The following TCERG1L variants were observed in gnomAD, a reference collection of about 807,000 sequenced individuals.
TCERG1L encodes transcription elongation regulator 1-like protein.
TCERG1L carries 37 observed loss-of-function variants against 56.3 expected under a neutral mutation model. The ratio of observed to expected loss-of-function variants is 0.66; its 90% CI spans 0.51 to 0.87. The LOEUF (loss-of-function observed/expected upper bound fraction) is 0.87. Among genes scored for constraint, TCERG1L ranks in the 40% least tolerant of loss-of-function variants. TCERG1L has a pLI of 0.00. For synonymous variants in TCERG1L, 324 were observed against 326.3 expected, an observed-to-expected ratio of 0.99 and a Z score of 0.08; for missense variants, 799 against 774.2, an observed-to-expected ratio of 1.03 and a Z score of -0.38.
intron 4 of TCERG1L, among the ~76,000 whole-genome samples, chr10:131,241,603 TAA>T (rs938470504): frequency 2.7e-5 from 4 of 149,768 alleles, no homozygotes; most frequent in Admixed American, 6.7e-5. Context: ...TATAAAAACA[TAA>T]GAGAGGACAT....
At chr10:131,101,389 T>C (rs1490036076) in intron 10 of TCERG1L, among the ~76,000 whole-genome samples, 1 of 152,244 alleles carries the variant, frequency 6.6e-6, no homozygotes, top group Non-Finnish European at 1.5e-5. Flanking sequence ...AAGTTGGAAT[T>C]TTCTTTTTGC....
intron 7 of TCERG1L, among the ~76,000 whole-genome samples, chr10:131,135,347 A>G (rs10829915): frequency 0.26 from 38,902 of 151,732 alleles, 5,467 homozygotes; most frequent in East Asian, 0.33. Flanking sequence ...CTGAGCCTGC[A>G]CCTCCTTCCT....
intron 9 of TCERG1L, 87 bp downstream of exon 9, chr10:131,116,712 A>G: frequency 6.6e-7 from 1 of 1,505,956 alleles, no homozygotes; most frequent in Non-Finnish European, 8.9e-7. Flanking sequence ...CTCAGTGAGG[A>G]GGCGACCCTC....
At chr10:131,102,505 G>T (rs1179301827) in intron 10 of TCERG1L, among the ~76,000 whole-genome samples, 2 of 152,174 alleles carry the variant, frequency 1.3e-5, no homozygotes, top group African/African-American at 4.8e-5. Flanking sequence ...GGACAGAATT[G>T]AAAATAAAAT....
At chr10:131,234,689 G>A (rs1272677591) in intron 4 of TCERG1L, among the ~76,000 whole-genome samples, 1 of 151,820 alleles carries the variant, frequency 6.6e-6, no homozygotes, top group African/African-American at 2.4e-5. Flanking sequence ...TGTTGTCGTT[G>A]TTTGTTTGTT....
chr10:131,243,409 C>T lies in TCERG1L; in HGVS notation c.856+16850G>A, dbSNP rs140116233. 2.0e-3 allele frequency among the ~76,000 whole-genome samples: 311 copies of T among 152,188 alleles called. 1 individual carries two copies. Among genetic ancestry groups the T allele is most frequent in the African/African-American group, 6.8e-3 (281 of 41,516 alleles). On this transcript the variant is annotated intron_variant, in intron 4 of 11. Coordinates refer to ENST00000368642, the MANE Select transcript of TCERG1L (RefSeq NM_174937.4). ...CCAGCGTAGCCAACGTTGCAAACCC[C>T]GTCTCTACTAAAAATACAGAAATTA...
In TCERG1L at chr10:131,163,115, G is replaced by A; in HGVS notation, c.1034+7C>T. The stretch of plus-strand genomic sequence containing the variant: ...GCTAGTGGCTCTCAGGCTTTGGGGT[G>A]TCTTACCAGGGGGATCCGGGCACCG... On this transcript the variant is annotated splice_region_variant and intron_variant, in intron 6 of 11. Coordinates refer to ENST00000368642, the MANE Select transcript of TCERG1L (RefSeq NM_174937.4). The A allele has an allele frequency of 6.4e-7, 1 of 1,561,778 alleles. No individual in the cohort carries two copies. Among genetic ancestry groups the A allele is most frequent in the South Asian group, 1.2e-5 (1 of 82,752 alleles).
chr10:131,197,867 T>C (rs115801462), intron 4 of TCERG1L, among the ~76,000 whole-genome samples: 1,949 of 152,288 alleles, frequency 0.013, 29 homozygotes, highest in African/African-American at 0.043. Context: ...ATCGAGGAAA[T>C]TGGCATAATC....
At chr10:131,303,313 G>A (rs546638383) in intron 3 of TCERG1L, among the ~76,000 whole-genome samples, 16 of 152,030 alleles carry the variant, frequency 1.1e-4, no homozygotes, top group East Asian at 1.9e-4. Flanking sequence ...TTTAATGATC[G>A]CCATTCTAAC....
In TCERG1L at chr10:131,226,919, C is replaced by T. The variant is rs969065331; in HGVS notation, c.856+33340G>A. 5.3e-5 allele frequency among the ~76,000 whole-genome samples: 8 copies of T among 152,322 alleles called. No homozygotes were observed. The East Asian group carries it at 7.7e-4, about 15-fold the overall frequency. ...GAAGCAGAAAGAGAAGCAGAATGTGCGGGCCCTCCCACCTCCTGGAGTCGC... is the reference window on the plus strand; with the variant it reads ...GAAGCAGAAAGAGAAGCAGAATGTGTGGGCCCTCCCACCTCCTGGAGTCGC... On this transcript the variant is annotated intron_variant, in intron 4 of 11. Coordinates refer to ENST00000368642, the MANE Select transcript of TCERG1L (RefSeq NM_174937.4).
At chr10:131,159,982 A>C (rs2944530) in intron 6 of TCERG1L, among the ~76,000 whole-genome samples, 140,069 of 152,224 alleles carry the variant, frequency 0.92, 64,518 homozygotes, top group Middle Eastern at 0.96. Flanking sequence ...AGCTGCTCAA[A>C]CAAGCCTAGG....
At chr10:131,241,700 T>C (rs1197721181) in intron 4 of TCERG1L, among the ~76,000 whole-genome samples, 1 of 151,696 alleles carries the variant, frequency 6.6e-6, no homozygotes, top group Admixed American at 6.6e-5. Flanking sequence ...AAAAACATAA[T>C]ATAGAACACG....
At chr10:131,149,720 T>C (rs542401651) in intron 6 of TCERG1L, among the ~76,000 whole-genome samples, 38 of 152,266 alleles carry the variant, frequency 2.5e-4, no homozygotes, top group African/African-American at 8.7e-4. Context: ...ACGTGGACAG[T>C]TTTACTACTG....
chr10:131,171,790 C>T (rs758571692), intron 4 of TCERG1L, among the ~76,000 whole-genome samples: 13 of 152,258 alleles, frequency 8.5e-5, no homozygotes, highest in Non-Finnish European at 1.6e-4. Flanking sequence ...AGGCTGGTGT[C>T]GAACTCCTGA....
rs564971750 is a variant in TCERG1L at position 131,222,448 on chromosome 10, T to C, written c.856+37811A>G. Among the ~76,000 whole-genome samples, 97 of 152,342 alleles carry C rather than the reference T, an allele frequency of 6.4e-4. No individual in the cohort carries two copies. In the South Asian group the frequency reaches 0.02, roughly 31 times the overall value. On this transcript the variant is annotated intron_variant, in intron 4 of 11. Coordinates refer to ENST00000368642, the MANE Select transcript of TCERG1L (RefSeq NM_174937.4). ...GCACCCTGAGAGGGATGCATCTCTCTATTGGCAGATGTGAAACTCAATGAA... is the reference window on the plus strand; with the variant it reads ...GCACCCTGAGAGGGATGCATCTCTCCATTGGCAGATGTGAAACTCAATGAA...
chr10:131,287,299 C>T (rs1158033167), intron 3 of TCERG1L, among the ~76,000 whole-genome samples: 1 of 152,162 alleles, frequency 6.6e-6, no homozygotes, highest in African/African-American at 2.4e-5. Context: ...AGTCTCAACA[C>T]TAACACAGTG....
intron 4 of TCERG1L, among the ~76,000 whole-genome samples, chr10:131,177,272 C>T (rs1373896027): frequency 5.3e-5 from 8 of 152,230 alleles, no homozygotes; most frequent in Admixed American, 4.6e-4. Flanking sequence ...CACATGCCCA[C>T]GCAGACACAA....
chr10:131,118,218 C>A lies in TCERG1L; in HGVS notation c.1260-1284G>T, dbSNP rs1384186995. Among the ~76,000 whole-genome samples the A allele has an allele frequency of 6.6e-6, 1 of 152,204 alleles. No homozygotes were observed. Among genetic ancestry groups the A allele is most frequent in the South Asian group, 2.1e-4 (1 of 4,830 alleles). On this transcript the variant is annotated intron_variant, in intron 8 of 11. Transcript: ENST00000368642. This position sits in a 1 kb window ranked among gnomAD's most constrained non-coding sequence, Gnocchi z 4.2. ...AGAGCAGTCCGCTCACAAGCAGTGG[C>A]TTAGGGCCTCCTACATTCTGGGAGC...
At chr10:131,134,246 C>T in intron 8 of TCERG1L, 133 bp downstream of exon 8, 1 of 819,234 alleles carries the variant, frequency 1.2e-6, no homozygotes, top group Non-Finnish European at 1.9e-6. Context: ...AACCTGAAAC[C>T]TCTTACCATC....
Sources: allele counts gnomAD v4.1 joint callset (sites outside exome capture counted in the v4.1 genomes callset), GRCh38; gene constraint gnomAD v4.1.1; non-coding constraint Gnocchi (gnomAD v3.1); transcripts MANE v1.5; gene names NCBI Gene and HGNC (gene_info 2026-07-23, HGNC 2026-07-21).